Variants in CNIH3 observed in about 807,000 individuals in gnomAD.
The protein encoded by CNIH3 is cornichon family AMPA receptor auxiliary protein 3, also known as protein cornichon homolog 3.
A neutral mutation model predicts 24.1 loss-of-function variants in CNIH3; 14 were observed. That is an observed-to-expected ratio of 0.58 (90% CI 0.38 to 0.91). CNIH3 has a LOEUF of 0.91. Among genes scored for constraint, CNIH3 ranks in the 40% least tolerant of loss-of-function variants. The probability of loss-of-function intolerance (pLI) is 0.00; values close to 1 mark genes in which losing one functional copy is unlikely to be tolerated. For missense variants in CNIH3, 178 were observed against 196.8 expected (o/e 0.90, Z 0.57); for synonymous variants, 68 against 73.8 (o/e 0.92, Z 0.40).
chr1:224,564,451 T>C (rs1680498941), intron 3 of CNIH3, among the ~76,000 whole-genome samples: 1 of 152,252 alleles, frequency 6.6e-6, no homozygotes, highest in Admixed American at 6.5e-5. Context: ...TTGATTTGTC[T>C]CCAGTGCAAG....
At chr1:224,542,236 T>C (rs184680268), downstream of CNIH3, among the ~76,000 whole-genome samples, 182 of 152,358 alleles carry the variant, frequency 1.2e-3, 1 homozygote, top group Admixed American at 0.012. Context: ...GCTACTTAAA[T>C]TCCATCTATT....
At chr1:224,585,985 T>C (rs1681490938) in intron 5 of CNIH3, among the ~76,000 whole-genome samples, 1 of 152,152 alleles carries the variant, frequency 6.6e-6, no homozygotes, top group African/African-American at 2.4e-5. Context: ...ACACACATTT[T>C]CCCCTACATG....
chr1:224,597,173 AC>A (rs1199462036), intron 3 of CNIH3, among the ~76,000 whole-genome samples: 19 of 127,084 alleles, frequency 1.5e-4, no homozygotes, highest in Admixed American at 3.4e-4. Flanking sequence ...AAACAAACAA[AC>A]AAAAAAAAAA....
At chr1:224,469,956 T>C (rs1676300497) in intron 1 of CNIH3, among the ~76,000 whole-genome samples, 4 of 152,166 alleles carry the variant, frequency 2.6e-5, no homozygotes, top group African/African-American at 7.2e-5. Flanking sequence ...TTTTGAAATA[T>C]GGTTTTTAAA....
upstream of CNIH3, among the ~76,000 whole-genome samples, chr1:224,515,286 A>G (rs1678334535): frequency 6.6e-6 from 1 of 152,240 alleles, no homozygotes; most frequent in African/African-American, 2.4e-5. Context: ...ACTTTTGTAC[A>G]TGCATGACTG....
chr1:224,435,909 A>C (rs1172505253), intron 1 of CNIH3: 1 of 152,206 alleles, frequency 6.6e-6, no homozygotes, highest in Non-Finnish European at 1.5e-5. Context: ...GAGGGGAAAA[A>C]AAACACCTTA....
chr1:224,730,022 T>G (rs1025018569), intron 3 of CNIH3, among the ~76,000 whole-genome samples: 1 of 152,196 alleles, frequency 6.6e-6, no homozygotes, highest in Admixed American at 6.5e-5. Context: ...TTTAGGTTTG[T>G]GAGTTACTAT....
chr1:224,470,008 G>GTTC (rs1326057717), intron 1 of CNIH3, among the ~76,000 whole-genome samples: 3 of 150,974 alleles, frequency 2.0e-5, no homozygotes, highest in Admixed American at 2.0e-4. Flanking sequence ...CTTTCTTTCA[G>GTTC]TTATTCTTCT....
intron 1 of CNIH3, among the ~76,000 whole-genome samples, chr1:224,460,068 G>A (rs1159021809): frequency 1.3e-5 from 2 of 151,800 alleles, no homozygotes; most frequent in Non-Finnish European, 2.9e-5. Flanking sequence ...GTAGAGACAG[G>A]GTTTTGTCAT....
intron 3 of CNIH3, among the ~76,000 whole-genome samples, chr1:224,713,546 A>G (rs1180402606): frequency 6.6e-6 from 1 of 152,160 alleles, no homozygotes; most frequent in Non-Finnish European, 1.5e-5. Flanking sequence ...CCTACCTGTA[A>G]AGTAGGGATT....
chr1:224,558,180 C>G (rs1680221310), intron 3 of CNIH3, among the ~76,000 whole-genome samples: 1 of 152,176 alleles, frequency 6.6e-6, no homozygotes, highest in East Asian at 1.9e-4. Flanking sequence ...GATGGCCCCA[C>G]TCACCTGCCT....
chr1:224,587,866 A>G (rs1681576578), intron 5 of CNIH3, among the ~76,000 whole-genome samples: 1 of 151,980 alleles, frequency 6.6e-6, no homozygotes, highest in Non-Finnish European at 1.5e-5. Flanking sequence ...TGCTTGAGCC[A>G]GGAGGTCAAG....
chr1:224,574,493 C>T, intron 4 of CNIH3: 1 of 662,804 alleles, frequency 1.5e-6, no homozygotes, highest in Admixed American at 2.2e-5. Flanking sequence ...GGCTAGGCAC[C>T]TGGAATTCCC....
chr1:224,701,154 G>C (rs1260305921), intron 3 of CNIH3, among the ~76,000 whole-genome samples: 1 of 151,668 alleles, frequency 6.6e-6, no homozygotes, highest in Non-Finnish European at 1.5e-5. Flanking sequence ...GCCACTAGGG[G>C]GTGTCACACT....
At chr1:224,445,328 C>T (rs1675109757) in intron 1 of CNIH3, among the ~76,000 whole-genome samples, 1 of 151,840 alleles carries the variant, frequency 6.6e-6, no homozygotes, top group Non-Finnish European at 1.5e-5. Flanking sequence ...ATAATCTCAG[C>T]ACTTTGGGAG....
chr1:224,451,398 C>T (rs1675393291), intron 1 of CNIH3, among the ~76,000 whole-genome samples: 1 of 152,032 alleles, frequency 6.6e-6, no homozygotes, highest in African/African-American at 2.4e-5. Flanking sequence ...TTTTTCTCTC[C>T]CCAGTGGGTG....
intron 3 of CNIH3, among the ~76,000 whole-genome samples, chr1:224,694,475 C>T (rs1421802908): frequency 6.6e-6 from 1 of 152,172 alleles, no homozygotes; most frequent in African/African-American, 2.4e-5. Context: ...GATTCCTATC[C>T]ACCCAGGATA....
At chr1:224,518,737 T>C (rs1305684696) in intron 1 of CNIH3, among the ~76,000 whole-genome samples, 2 of 152,164 alleles carry the variant, frequency 1.3e-5, no homozygotes, top group East Asian at 3.9e-4. Flanking sequence ...ACTAGCCTCA[T>C]TTTATGCTGA....
intron 1 of CNIH3, among the ~76,000 whole-genome samples, chr1:224,518,423 G>A (rs1330976463): frequency 6.6e-6 from 1 of 152,050 alleles, no homozygotes; most frequent in African/African-American, 2.4e-5. Flanking sequence ...TCGGACTCTT[G>A]GGTTCCAAGG....
Sources: allele counts gnomAD v4.1 joint callset (sites outside exome capture counted in the v4.1 genomes callset), GRCh38; gene constraint gnomAD v4.1.1; transcripts MANE v1.5; gene names NCBI Gene and HGNC (gene_info 2026-07-23, HGNC 2026-07-21).